Variants in NPAS3 observed in about 807,000 individuals in gnomAD.
NPAS3 encodes the protein neuronal PAS domain protein 3.
NPAS3 carries 14 observed loss-of-function variants against 73.1 expected under a neutral mutation model. The observed-to-expected ratio is 0.19, with a 90% CI of 0.13 to 0.30. The LOEUF is 0.30. Ranked by LOEUF, NPAS3 falls within the 10% of genes least tolerant of loss-of-function variation. The pLI is 1.00. For missense variants in NPAS3, 1,096 were observed against 1,250.0 expected (o/e 0.88, Z 1.86); for synonymous variants, 620 against 541.5 (o/e 1.14, Z -2.01).
chr14:33,630,241 A>AG lies in NPAS3; in HGVS notation c.559-45964dup, dbSNP rs148061219. ...TGATCTGTTTGGAGTGGATAATTTG[A>AG]GGGGGGTCTCTTTTGCACAACTTGT... On this transcript the variant is annotated intron_variant, in intron 5 of 11. Transcript: ENST00000356141. Among the ~76,000 whole-genome samples, 612 of 152,210 alleles carry AG rather than the reference A, an allele frequency of 4.0e-3. 5 individuals are homozygous for AG. Among genetic ancestry groups the AG allele is most frequent in the African/African-American group, 0.014 (580 of 41,540 alleles).
chr14:32,998,227 C>G (rs557220073), intron 1 of NPAS3, among the ~76,000 whole-genome samples: 2 of 152,246 alleles, frequency 1.3e-5, no homozygotes, highest in Non-Finnish European at 2.9e-5. Flanking sequence ...ATACATGTAC[C>G]AGTGTGGATG....
At chr14:33,067,064 C>T (rs748082579) in intron 2 of NPAS3, among the ~76,000 whole-genome samples, 1 of 152,212 alleles carries the variant, frequency 6.6e-6, no homozygotes, top group Admixed American at 6.5e-5. Context: ...AGGCACATTG[C>T]TCAGTTCACA....
chr14:33,112,433 T>G (rs1246651019), intron 2 of NPAS3, among the ~76,000 whole-genome samples: 1 of 152,222 alleles, frequency 6.6e-6, no homozygotes, highest in Admixed American at 6.5e-5. Flanking sequence ...ATGATGAGCA[T>G]TTTTTCATGT....
At chr14:33,494,406 C>T (rs1280150864) in intron 4 of NPAS3, among the ~76,000 whole-genome samples, 1 of 152,134 alleles carries the variant, frequency 6.6e-6, no homozygotes, top group East Asian at 1.9e-4. Flanking sequence ...GAAGGCTACG[C>T]CTTCCACAAA....
At chr14:33,478,451 G>T (rs370192610) in intron 4 of NPAS3, among the ~76,000 whole-genome samples, 5 of 152,146 alleles carry the variant, frequency 3.3e-5, no homozygotes, top group African/African-American at 1.2e-4. Context: ...AAGCCTTAGC[G>T]ATAAGCTCCT....
chr14:33,667,258 C>T (rs771690377), intron 5 of NPAS3, among the ~76,000 whole-genome samples: 1 of 152,148 alleles, frequency 6.6e-6, no homozygotes, highest in Non-Finnish European at 1.5e-5. Context: ...CCATATGGGG[C>T]AGCATAGCTC....
At chr14:33,249,126 T>C (rs2048487955) in intron 3 of NPAS3, among the ~76,000 whole-genome samples, 1 of 152,162 alleles carries the variant, frequency 6.6e-6, no homozygotes, top group Admixed American at 6.6e-5. Flanking sequence ...TAAATCTTTA[T>C]AGAGACTGTT....
rs535222595 is a variant in NPAS3, at chr14:33,265,973, C to T, written c.385+50547C>T. ...TTGTATACTTACATATGTATATGCACTTATTTATATACTTAAATATGTAAT... is the reference window on the plus strand; with the variant it reads ...TTGTATACTTACATATGTATATGCATTTATTTATATACTTAAATATGTAAT... On this transcript the variant is annotated intron_variant, in intron 3 of 11. Coordinates refer to ENST00000356141, the Ensembl canonical transcript of NPAS3. Among the ~76,000 whole-genome samples, 9 of 150,906 alleles carry T rather than the reference C, an allele frequency of 6.0e-5. No homozygotes were observed. The South Asian group carries it at 1.7e-3, about 28-fold the overall frequency.
intron 5 of NPAS3, among the ~76,000 whole-genome samples, chr14:33,607,619 G>A (rs1392681405): frequency 6.6e-6 from 1 of 152,172 alleles, no homozygotes; most frequent in Non-Finnish European, 1.5e-5. Flanking sequence ...GCATTAATAT[G>A]TCAAAACCTG....
At chr14:33,567,816 C>A (rs1382545061) in intron 5 of NPAS3, among the ~76,000 whole-genome samples, 2 of 152,156 alleles carry the variant, frequency 1.3e-5, no homozygotes, top group Non-Finnish European at 2.9e-5. Context: ...TCAGAGTAGA[C>A]CACTATCTGT....
chr14:32,957,936 T>C (rs1464171832), intron 1 of NPAS3, among the ~76,000 whole-genome samples: 1 of 152,118 alleles, frequency 6.6e-6, no homozygotes, highest in African/African-American at 2.4e-5. Context: ...GTAGAAAAAC[T>C]AGCTTTGGAA....
rs185857856 is a variant in NPAS3 at position 32,960,804 on chromosome 14, T to C, written c.50+21438T>C. On this transcript the variant is annotated intron_variant, in intron 1 of 11. Transcript: ENST00000356141. ...AACCTAGCAGTGATCATTTAAGAAA[T>C]AGTAGCAGATGAAAACCTGCAATAA... Among the ~76,000 whole-genome samples the C allele has an allele frequency of 1.3e-3, 205 of 152,226 alleles. 2 individuals are homozygous for C. The highest frequency in any genetic ancestry group is 4.5e-3 in the African/African-American group (186 of 41,518).
In NPAS3 at chr14:33,416,302, A is replaced by G. The variant is rs2048144752; in HGVS notation, c.468+49034A>G. On this transcript the variant is annotated intron_variant, in intron 4 of 11. Coordinates refer to ENST00000356141, the Ensembl canonical transcript of NPAS3. Reference sequence around the variant, plus strand: ...CTATTCCCTGGAGATCTCTAAAGGGAAAAAAAATAATTTATCTTGGACAGA... The same window carrying G: ...CTATTCCCTGGAGATCTCTAAAGGGGAAAAAAATAATTTATCTTGGACAGA... 2.0e-5 allele frequency among the ~76,000 whole-genome samples: 3 copies of G among 151,938 alleles called. No individual in the cohort carries two copies. The South Asian group carries it at 6.2e-4, about 31-fold the overall frequency.
chr14:33,105,781 C>T (rs970029289), intron 2 of NPAS3, among the ~76,000 whole-genome samples: 2 of 151,986 alleles, frequency 1.3e-5, no homozygotes, highest in African/African-American at 4.8e-5. Context: ...AAACTATGCT[C>T]CTGAAACAAC....
At chr14:33,008,068 G>A (rs147365487) in intron 1 of NPAS3, among the ~76,000 whole-genome samples, 16 of 152,118 alleles carry the variant, frequency 1.1e-4, no homozygotes, top group African/African-American at 3.9e-4. Context: ...TATGTAATTA[G>A]GATGTATACT....
At chr14:33,644,500 C>G (rs535862874) in intron 5 of NPAS3, among the ~76,000 whole-genome samples, 1 of 152,292 alleles carries the variant, frequency 6.6e-6, no homozygotes, top group South Asian at 2.1e-4. Context: ...TAGTGTCCTT[C>G]CCTTATCCTC....
At chr14:33,256,531 G>A (rs1434768254) in intron 3 of NPAS3, among the ~76,000 whole-genome samples, 1 of 152,072 alleles carries the variant, frequency 6.6e-6, no homozygotes, top group African/African-American at 2.4e-5. Flanking sequence ...TCTTAATTTT[G>A]TGATGAATTA....
chr14:33,733,943 A>C (rs1430002705), intron 6 of NPAS3, among the ~76,000 whole-genome samples: 5 of 152,300 alleles, frequency 3.3e-5, no homozygotes, highest in African/African-American at 1.2e-4. Flanking sequence ...CTGTTATTAC[A>C]GTAGCTCTCA....
intron 3 of NPAS3, among the ~76,000 whole-genome samples, chr14:33,263,633 G>T (rs1787843362): frequency 6.6e-6 from 1 of 152,130 alleles, no homozygotes; most frequent in Admixed American, 6.6e-5. Context: ...GAACTTTAAA[G>T]TAGTTTTTTT....
Sources: allele counts gnomAD v4.1 joint callset (sites outside exome capture counted in the v4.1 genomes callset), GRCh38; gene constraint gnomAD v4.1.1; transcripts MANE v1.5; gene names NCBI Gene and HGNC (gene_info 2026-07-23, HGNC 2026-07-21).